The following GALNT13 variants were observed in gnomAD, a reference collection of about 807,000 sequenced individuals.
GALNT13 encodes the protein UDP-GalNAc:polypeptide N-acetylgalactosaminyltransferase 13.
GALNT13 carries 28 observed loss-of-function variants against 64.2 expected under a neutral mutation model. The ratio of observed to expected loss-of-function variants is 0.44; its 90% CI spans 0.32 to 0.60. GALNT13 has a LOEUF of 0.60. Among genes scored for constraint, GALNT13 ranks in the 20% least tolerant of loss-of-function variants. The pLI is 0.05. For missense variants in GALNT13, 577 were observed against 669.8 expected (o/e 0.86, Z 1.53); for synonymous variants, 214 against 224.6 (o/e 0.95, Z 0.42).
chr2:153,669,158 G>T, the GALNT13 span, among the ~76,000 whole-genome samples: 1 of 152,046 alleles, frequency 6.6e-6, no homozygotes, highest in East Asian at 1.9e-4. Flanking sequence ...CGGCAGAGTG[G>T]CCCCACCAAC....
chr2:154,151,748 G>A (rs1457089108), intron 4 of GALNT13, among the ~76,000 whole-genome samples: 3 of 152,120 alleles, frequency 2.0e-5, no homozygotes, highest in African/African-American at 7.2e-5. Flanking sequence ...GACTAGGATT[G>A]CAATCCCTGC....
chr2:154,055,163 A>G (rs1461758880), intron 3 of GALNT13, among the ~76,000 whole-genome samples: 2 of 151,988 alleles, frequency 1.3e-5, no homozygotes, highest in African/African-American at 4.8e-5. Flanking sequence ...TTATTTTGCT[A>G]TGTTGCCTGT....
the GALNT13 span, among the ~76,000 whole-genome samples, chr2:153,425,916 C>G: frequency 6.6e-6 from 1 of 151,762 alleles, no homozygotes; most frequent in African/African-American, 2.4e-5. Context: ...TTTCCTTCAG[C>G]AGTAATTATT....
At chr2:154,029,858 A>G (rs1698229973) in intron 3 of GALNT13, among the ~76,000 whole-genome samples, 5 of 152,190 alleles carry the variant, frequency 3.3e-5, no homozygotes, top group Admixed American at 3.3e-4. Flanking sequence ...GCTGGAAAGC[A>G]TAAGAAAGAG....
At chr2:153,182,553 G>A in the GALNT13 span, among the ~76,000 whole-genome samples, 93 of 152,260 alleles carry the variant, frequency 6.1e-4, no homozygotes, top group African/African-American at 2.1e-3. Context: ...CAACACCTAG[G>A]TATCAAGCCC....
At chr2:153,108,619 G>A in the GALNT13 span, among the ~76,000 whole-genome samples, 1 of 152,082 alleles carries the variant, frequency 6.6e-6, no homozygotes, top group African/African-American at 2.4e-5. Flanking sequence ...TGCGAGGTGG[G>A]CAGGGATTTC....
At chr2:153,818,759 C>T in the GALNT13 span, among the ~76,000 whole-genome samples, 556 of 152,284 alleles carry the variant, frequency 3.7e-3, 3 homozygotes, top group Non-Finnish European at 5.8e-3. Flanking sequence ...CTGCCCTCCC[C>T]AGTAAAGGCC....
At chr2:153,345,641 T>TTCTTTCTTTCTTTC in the GALNT13 span, among the ~76,000 whole-genome samples, 11 of 101,574 alleles carry the variant, frequency 1.1e-4, no homozygotes, top group African/African-American at 4.4e-4. Flanking sequence ...TTCTTTTTCT[T>TTCTTTCTTTCTTTC]TCTTTCTTTC....
At chr2:153,569,028 G>A in the GALNT13 span, among the ~76,000 whole-genome samples, 1 of 152,190 alleles carries the variant, frequency 6.6e-6, no homozygotes, top group Non-Finnish European at 1.5e-5. Flanking sequence ...ACATCTGGGT[G>A]GTTTCAGATT....
chr2:153,814,572 T>G, the GALNT13 span, among the ~76,000 whole-genome samples: 4 of 152,208 alleles, frequency 2.6e-5, no homozygotes, highest in Non-Finnish European at 4.4e-5. Flanking sequence ...ACTTTTTGAA[T>G]ACAGCAGCCA....
the GALNT13 span, among the ~76,000 whole-genome samples, chr2:153,500,098 A>ACAT: frequency 2.6e-5 from 4 of 152,262 alleles, no homozygotes; most frequent in East Asian, 7.7e-4. Context: ...GTGAAGAGGT[A>ACAT]CATCTAACTG....
chr2:153,731,483 CCTGAATCTATTA>C, the GALNT13 span, among the ~76,000 whole-genome samples: 1 of 151,720 alleles, frequency 6.6e-6, no homozygotes, highest in Non-Finnish European at 1.5e-5. Flanking sequence ...ACTTGTACAC[CCTGAATCTATTA>C]CTGATAATAT....
At chr2:154,412,137 G>C (rs959243545) in intron 11 of GALNT13, among the ~76,000 whole-genome samples, 3 of 151,578 alleles carry the variant, frequency 2.0e-5, no homozygotes, top group Admixed American at 6.6e-5. Context: ...CACTTAATTT[G>C]GTATTGTTGA....
the GALNT13 span, among the ~76,000 whole-genome samples, chr2:153,838,615 A>G: frequency 1.3e-5 from 2 of 151,830 alleles, no homozygotes; most frequent in African/African-American, 2.4e-5. Context: ...ATTCTACTCT[A>G]TTGGTGCAAA....
At chr2:153,576,249 G>A in the GALNT13 span, among the ~76,000 whole-genome samples, 5 of 152,162 alleles carry the variant, frequency 3.3e-5, no homozygotes, top group African/African-American at 7.2e-5. Context: ...TAAGTCTTCC[G>A]TAGCTGCCCC....
At chr2:153,369,309 C>T in the GALNT13 span, among the ~76,000 whole-genome samples, 34 of 151,692 alleles carry the variant, frequency 2.2e-4, no homozygotes, top group African/African-American at 7.7e-4. Context: ...AATATAAAAT[C>T]GTATGTCAAT....
At chr2:153,109,874 T>C in the GALNT13 span, among the ~76,000 whole-genome samples, 2 of 152,224 alleles carry the variant, frequency 1.3e-5, no homozygotes, top group African/African-American at 4.8e-5. Flanking sequence ...AGACTTTTGT[T>C]CTGCTTGAAA....
intron 3 of GALNT13, among the ~76,000 whole-genome samples, chr2:154,085,652 C>G (rs1259736430): frequency 6.6e-6 from 1 of 152,032 alleles, no homozygotes; most frequent in African/African-American, 2.4e-5. Context: ...GTTCATGCAA[C>G]AGAGTTTCTA....
At chr2:154,271,305 A>C (rs1385365298) in intron 8 of GALNT13, among the ~76,000 whole-genome samples, 1 of 152,024 alleles carries the variant, frequency 6.6e-6, no homozygotes, top group Non-Finnish European at 1.5e-5. Context: ...TACTGGCTGC[A>C]ATGAAATATC....
Sources: gnomAD v4.1 joint callset for allele counts (sites outside exome capture counted in the v4.1 genomes callset) on GRCh38, gnomAD v4.1.1 for gene constraint, MANE v1.5 for transcripts, NCBI Gene and HGNC (gene_info 2026-07-23, HGNC 2026-07-21) for gene names.